Variants in NBPF12 observed in about 807,000 individuals in gnomAD.
NBPF12 encodes NBPF family member NBPF12.
In NBPF12, 115 loss-of-function variants were observed where a neutral mutation model predicts 146.4. That is an observed-to-expected ratio of 0.79 (90% confidence interval 0.68 to 0.92). The LOEUF is 0.92. NBPF12 is among the 40% of genes least tolerant of loss of function. The pLI is 0.00. For synonymous variants in NBPF12, 385 were observed against 508.9 expected, an observed-to-expected ratio of 0.76 and a Z score of 3.28; for missense variants, 1,205 against 1,326.8, an observed-to-expected ratio of 0.91 and a Z score of 1.43.
intron 25 of NBPF12, among the ~76,000 whole-genome samples, chr1:146,987,495 C>G (rs1350052951): frequency 4.0e-5 from 6 of 151,514 alleles, no homozygotes; most frequent in African/African-American, 1.5e-4. Flanking sequence ...TGCAGGTGGA[C>G]CAGACTTCAA....
chr1:146,957,835 A>AAACAT (rs1655662810), intron 2 of NBPF12, among the ~76,000 whole-genome samples: 1 of 93,136 alleles, frequency 1.1e-5, no homozygotes, highest in African/African-American at 3.9e-5. Context: ...AAGAAAAAAA[A>AAACAT]AATATAATAT....
chr1:146,961,003 G>A (rs1655812481), intron 4 of NBPF12, among the ~76,000 whole-genome samples: 1 of 152,042 alleles, frequency 6.6e-6, no homozygotes, highest in East Asian at 1.9e-4. Context: ...AAAAGTAGAT[G>A]GGCGTCGTGG....
Position 146,964,464 on chromosome 1 carries a change from G to T in NBPF12, c.566+35G>T, listed in dbSNP as rs1553885255. ...AATACTCAGGAGCAAGTAATGGGTG[G>T]TAACATATGAAAATGTCTAGAAGGC... On this transcript the variant is annotated intron_variant, in intron 7 of 33. Coordinates refer to ENST00000617844, the Ensembl canonical transcript of NBPF12. 1,335 of 1,595,078 alleles carry T rather than the reference G, an allele frequency of 8.4e-4. 8 individuals are homozygous for T. Among genetic ancestry groups the T allele is most frequent in the South Asian group, 6.9e-3 (626 of 90,604 alleles).
chr1:146,994,517 C>G (rs1400972903), exon 34 of NBPF12: 16 of 1,609,708 alleles, frequency 9.9e-6, no homozygotes, highest in Non-Finnish European at 1.2e-5. Flanking sequence ...AGCTTTTTTA[C>G]TTTGACGGTG....
At chr1:146,980,702 G>A (rs1319016526) in intron 19 of NBPF12, among the ~76,000 whole-genome samples, 1 of 151,434 alleles carries the variant, frequency 6.6e-6, no homozygotes, top group Admixed American at 6.6e-5. Flanking sequence ...CTAGTTCAAC[G>A]ATTGTGGAAG....
intron 1 of NBPF12, among the ~76,000 whole-genome samples, chr1:146,942,887 C>T (rs1654869253): frequency 6.7e-6 from 1 of 150,096 alleles, no homozygotes; most frequent in Admixed American, 6.7e-5. Context: ...ATATTCCTTA[C>T]TTTATGAAAA....
exon 13 of NBPF12, chr1:146,971,360 T>C: frequency 1.2e-6 from 2 of 1,611,724 alleles, no homozygotes; most frequent in Non-Finnish European, 8.5e-7. Context: ...AATCCTCTCA[T>C]GATGAATGTC....
chr1:146,960,632 A>G (rs1655790001), intron 4 of NBPF12, among the ~76,000 whole-genome samples: 1 of 151,984 alleles, frequency 6.6e-6, no homozygotes, highest in Non-Finnish European at 1.5e-5. Flanking sequence ...TCTGTACCAT[A>G]TAAGATCCTG....
intron 31 of NBPF12, among the ~76,000 whole-genome samples, 152 bp from the exon 35 acceptor site, chr1:146,992,560 C>T (rs1321808124): frequency 2.1e-5 from 3 of 141,464 alleles, no homozygotes; most frequent in Non-Finnish European, 4.6e-5. Flanking sequence ...CCTGTTCTGT[C>T]CCAACATGAA....
intron 8 of NBPF12, 43 bp from the exon 12 acceptor site, chr1:146,966,421 A>G: frequency 2.2e-6 from 3 of 1,337,708 alleles, no homozygotes; most frequent in Admixed American, 1.7e-5. Context: ...ACTTGATTTC[A>G]CCAGTTTTTA....
intron 8 of NBPF12, among the ~76,000 whole-genome samples, chr1:146,965,851 T>G (rs1656168002): frequency 1.4e-5 from 2 of 139,990 alleles, no homozygotes; most frequent in South Asian, 2.4e-4. Flanking sequence ...GCTCACATCT[T>G]AATCCCAGCA....
Position 146,972,827 on chromosome 1 carries a change from G to C in NBPF12, c.1668G>C (p.Glu556Asp), listed in dbSNP as rs1367405523. Residue 556 changes from glutamate (E) to aspartate (D), a missense_variant, in exon 14 of 34, where the codon GAG (glutamate) becomes GAC (aspartate). Transcript: ENST00000617844. ...GCCCTTTGTCCAGCGAGAAGGCAGA[G>C]ATGAACATTCTAGAAATCAATGAGA... 3.7e-6 allele frequency: 5 copies of C among 1,367,764 alleles called. No individual in the cohort carries two copies. In the East Asian group the frequency reaches 9.2e-5, roughly 25 times the overall value. The allele number at this position is 1,367,764 out of a possible 1,614,324, so 84.7% of individuals were successfully genotyped here. A position where few individuals can be genotyped will look rare whatever the true frequency, so the allele number is the denominator to read the frequency against.
At chr1:146,994,721 C>T (rs61381367) in exon 34 of NBPF12, 7 of 1,346,854 alleles carry the variant, frequency 5.2e-6, no homozygotes, top group Admixed American at 2.4e-5. Context: ...TCAGAGCATG[C>T]CAGTGGCAAC....
At chr1:146,961,578 G>A (rs1655852464) in intron 4 of NBPF12, among the ~76,000 whole-genome samples, 1 of 149,098 alleles carries the variant, frequency 6.7e-6, no homozygotes, top group African/African-American at 2.6e-5. Flanking sequence ...TCTTAATGCT[G>A]CCTCTCATAC....
chr1:146,965,924 A>T (rs1450189813), intron 8 of NBPF12, among the ~76,000 whole-genome samples: 10 of 151,034 alleles, frequency 6.6e-5, no homozygotes, highest in South Asian at 2.1e-4. Flanking sequence ...CCTGTCCAAG[A>T]TGGCGAAACC....
chr1:146,967,903 CATGGCCTT>C (rs1656309035), intron 9 of NBPF12, among the ~76,000 whole-genome samples: 2 of 145,204 alleles, frequency 1.4e-5, no homozygotes, highest in African/African-American at 5.3e-5. Context: ...GGATTTCCTT[CATGGCCTT>C]ATGGTGTTAT....
intron 23 of NBPF12, among the ~76,000 whole-genome samples, chr1:146,986,090 A>T (rs1657739130): frequency 6.6e-6 from 1 of 151,824 alleles, no homozygotes; most frequent in African/African-American, 2.4e-5. Flanking sequence ...GTGTCCTTTG[A>T]CCCCTTCATC....
intron 18 of NBPF12, among the ~76,000 whole-genome samples, chr1:146,977,985 T>C (rs1417811631): frequency 1.3e-5 from 2 of 151,990 alleles, no homozygotes; most frequent in African/African-American, 4.8e-5. Context: ...TAGTCATCTG[T>C]CCATGAACAA....
intron 2 of NBPF12, among the ~76,000 whole-genome samples, chr1:146,957,959 A>T (rs1186923165): frequency 8.9e-6 from 1 of 112,170 alleles, no homozygotes; most frequent in African/African-American, 3.1e-5. Flanking sequence ...TATTTTATAT[A>T]TACGTGTATA....
Sources: gnomAD v4.1 joint callset for allele counts (sites outside exome capture counted in the v4.1 genomes callset) on GRCh38, gnomAD v4.1.1 for gene constraint, MANE v1.5 for transcripts, NCBI Gene and HGNC (gene_info 2026-07-23, HGNC 2026-07-21) for gene names.